The following SLC25A21 variants were observed in gnomAD, a reference collection of about 807,000 sequenced individuals.
SLC25A21 encodes mitochondrial 2-oxodicarboxylate carrier.
A neutral mutation model predicts 43.8 loss-of-function variants in SLC25A21; 47 were observed. That is an observed-to-expected ratio of 1.07 (90% confidence interval 0.85 to 1.37). The LOEUF (loss-of-function observed/expected upper bound fraction) is 1.37. Ranked by LOEUF, SLC25A21 falls within the 40% of genes most tolerant of loss-of-function variation. The pLI, the probability that SLC25A21 is intolerant of heterozygous loss-of-function variation, is 0.00. For missense variants in SLC25A21, 352 were observed against 350.2 expected, an observed-to-expected ratio of 1.00 and a Z score of -0.04; for synonymous variants, 131 against 121.3, an observed-to-expected ratio of 1.08 and a Z score of -0.52.
chr14:36,995,627 C>G (rs1960355522), intron 1 of SLC25A21, among the ~76,000 whole-genome samples: 1 of 152,118 alleles, frequency 6.6e-6, no homozygotes. Flanking sequence ...TGTCATTGCC[C>G]AAGTTAAAAA....
intron 3 of SLC25A21, among the ~76,000 whole-genome samples, chr14:36,793,623 T>C (rs1474380692): frequency 6.6e-6 from 1 of 151,560 alleles, no homozygotes; most frequent in Non-Finnish European, 1.5e-5. Flanking sequence ...GACAAGCACA[T>C]GATGAACCCA....
At chr14:36,890,786 T>C (rs1594671898) in intron 1 of SLC25A21, among the ~76,000 whole-genome samples, 1 of 152,220 alleles carries the variant, frequency 6.6e-6, no homozygotes, top group Non-Finnish European at 1.5e-5. Context: ...TTTGTTTTGA[T>C]TGGATCTCCA....
intron 1 of SLC25A21, among the ~76,000 whole-genome samples, chr14:37,056,915 C>T (rs1961842799): frequency 6.6e-6 from 1 of 152,166 alleles, no homozygotes; most frequent in Non-Finnish European, 1.5e-5. Flanking sequence ...AAAATCTTCT[C>T]ATTTTTCTCC....
chr14:36,715,561 A>T (rs181971594), intron 6 of SLC25A21, among the ~76,000 whole-genome samples: 1 of 152,190 alleles, frequency 6.6e-6, no homozygotes, highest in Non-Finnish European at 1.5e-5. Context: ...TTAGTTACCA[A>T]TTGTGGGCCA....
In SLC25A21 at chr14:37,170,105, G is replaced by A. The variant is rs572021365; in HGVS notation, c.70+2176C>T. 2.1e-3 allele frequency among the ~76,000 whole-genome samples: 317 copies of A among 151,916 alleles called. 2 individuals are homozygous for A. Among genetic ancestry groups the A allele is most frequent in the Non-Finnish European group, 3.6e-3 (242 of 67,940 alleles). Reference sequence around the variant, plus strand: ...GGTTGGAGTGCAGTGGCACGATCTCGGCTCACTGCAACCTCCGCCTCCTGG... The same window carrying A: ...GGTTGGAGTGCAGTGGCACGATCTCAGCTCACTGCAACCTCCGCCTCCTGG... On this transcript the variant is annotated intron_variant, in intron 1 of 9. Coordinates refer to ENST00000331299, the MANE Select transcript of SLC25A21 (RefSeq NM_030631.4).
intron 1 of SLC25A21, among the ~76,000 whole-genome samples, chr14:36,918,327 C>A (rs2138620694): frequency 6.6e-6 from 1 of 152,286 alleles, no homozygotes; most frequent in Non-Finnish European, 1.5e-5. Context: ...CATGTTCTTA[C>A]AGTGATCAAG....
chr14:36,691,510 C>T (rs1882793438), intron 7 of SLC25A21, among the ~76,000 whole-genome samples: 1 of 152,136 alleles, frequency 6.6e-6, no homozygotes, highest in Non-Finnish European at 1.5e-5. Flanking sequence ...CACCAATAAG[C>T]CTAAACCATT....
intron 1 of SLC25A21, among the ~76,000 whole-genome samples, chr14:37,021,485 A>C (rs28508463): frequency 0.27 from 41,013 of 151,912 alleles, 10,088 homozygotes; most frequent in African/African-American, 0.66. Context: ...AAACATAGCC[A>C]CTAACCCTCC....
At chr14:36,838,635 T>C in intron 2 of SLC25A21, among the ~76,000 whole-genome samples, 1 of 152,208 alleles carries the variant, frequency 6.6e-6, no homozygotes, top group East Asian at 1.9e-4. Context: ...AAAAAGTGAA[T>C]TTTGTGGAGG....
intron 1 of SLC25A21, among the ~76,000 whole-genome samples, chr14:37,095,468 G>A (rs986810623): frequency 6.6e-6 from 1 of 152,068 alleles, no homozygotes; most frequent in Admixed American, 6.6e-5. Flanking sequence ...CAATGAGCCT[G>A]GATTGTGCCA....
intron 1 of SLC25A21, among the ~76,000 whole-genome samples, chr14:37,015,552 T>C (rs893911829): frequency 1.3e-5 from 2 of 151,900 alleles, no homozygotes; most frequent in African/African-American, 4.8e-5. Flanking sequence ...TTTGGGTATA[T>C]ACCCAGTAAT....
intron 1 of SLC25A21, among the ~76,000 whole-genome samples, chr14:37,139,586 T>C (rs1266535198): frequency 6.6e-6 from 1 of 152,140 alleles, no homozygotes; most frequent in African/African-American, 2.4e-5. Context: ...AACTGAAAAA[T>C]GAATAACACA....
At position 36,988,315 on chromosome 14, in the gene SLC25A21, C is replaced by T. The variant is rs147058334; in HGVS notation, c.71-113311G>A. ...TAGTCCTTCCTATCAAGGTTAAGGACTATTTCAAGAGCTAGATAAAACAGG... is the reference window on the plus strand; with the variant it reads ...TAGTCCTTCCTATCAAGGTTAAGGATTATTTCAAGAGCTAGATAAAACAGG... On this transcript the variant is annotated intron_variant, in intron 1 of 9. Coordinates refer to ENST00000331299, the MANE Select transcript of SLC25A21 (RefSeq NM_030631.4). Among the ~76,000 whole-genome samples the T allele has an allele frequency of 7.9e-5, 12 of 152,264 alleles. No individual in the cohort carries two copies. The East Asian group carries it at 1.9e-3, about 25-fold the overall frequency.
intron 3 of SLC25A21, among the ~76,000 whole-genome samples, chr14:36,805,648 A>G (rs1888012233): frequency 6.6e-6 from 1 of 151,720 alleles, no homozygotes; most frequent in South Asian, 2.1e-4. Context: ...TTTTAAAACT[A>G]TTGAAATAAG....
chr14:36,784,425 T>C lies in SLC25A21; in HGVS notation c.203+29493A>G, dbSNP rs142081374. 2.0e-4 allele frequency among the ~76,000 whole-genome samples: 31 copies of C among 152,288 alleles called. No individual in the cohort carries two copies. The East Asian group carries it at 5.6e-3, about 27-fold the overall frequency. ...AGAGTTAGCTCTTCTGTAGCACTGA[T>C]TCAATTTGGTAGTGGCCTGAGACCT... On this transcript the variant is annotated intron_variant, in intron 3 of 9. Coordinates refer to ENST00000331299, the MANE Select transcript of SLC25A21 (RefSeq NM_030631.4).
chr14:37,148,385 T>C (rs2138930480), intron 1 of SLC25A21, among the ~76,000 whole-genome samples: 1 of 152,320 alleles, frequency 6.6e-6, no homozygotes, highest in Non-Finnish European at 1.5e-5. Context: ...CAAATCATAC[T>C]ATTTAGCATG....
Position 37,117,144 on chromosome 14 carries a change from A to G in SLC25A21, c.70+55137T>C, listed in dbSNP as rs117719050. ...ACTGTGACTCATTTTATTTTTCAAC[A>G]TAGAGCTAAAAGGTACATGAATCAT... On this transcript the variant is annotated intron_variant, in intron 1 of 9. Transcript: ENST00000331299. Among the ~76,000 whole-genome samples, 751 of 152,318 alleles carry G rather than the reference A, an allele frequency of 4.9e-3. 8 individuals are homozygous for G. Among genetic ancestry groups the G allele is most frequent in the Non-Finnish European group, 5.4e-3 (364 of 68,014 alleles).
chr14:36,897,430 C>T (rs1470762104), intron 1 of SLC25A21, among the ~76,000 whole-genome samples: 1 of 152,116 alleles, frequency 6.6e-6, no homozygotes, highest in Non-Finnish European at 1.5e-5. Context: ...TCTAGTTAGC[C>T]ATTCGTCTAA....
At chr14:36,970,109 A>C (rs961865075) in intron 1 of SLC25A21, among the ~76,000 whole-genome samples, 2 of 152,228 alleles carry the variant, frequency 1.3e-5, no homozygotes, top group Non-Finnish European at 2.9e-5. Context: ...GAAAAAAACA[A>C]ACAATATATC....
Sources: allele counts gnomAD v4.1 joint callset (sites outside exome capture counted in the v4.1 genomes callset), GRCh38; gene constraint gnomAD v4.1.1; transcripts MANE v1.5; gene names NCBI Gene and HGNC (gene_info 2026-07-23, HGNC 2026-07-21).